The following CLDN18 variants were observed in gnomAD, a reference collection of about 807,000 sequenced individuals.
The protein encoded by CLDN18 is claudin 18, also known as claudin-18.
A neutral mutation model predicts 25.0 loss-of-function variants in CLDN18; 20 were observed. The ratio of observed to expected loss-of-function variants is 0.80; its 90% CI spans 0.56 to 1.16. The LOEUF (loss-of-function observed/expected upper bound fraction) is 1.16, where lower values mean the gene tolerates loss of function less well. Among genes scored for constraint, CLDN18 ranks in the 50% most tolerant of loss-of-function variants. CLDN18 has a pLI of 0.00. For missense variants in CLDN18, 297 were observed against 345.4 expected (o/e 0.86, Z 1.11); for synonymous variants, 125 against 135.6 (o/e 0.92, Z 0.54).
rs574608178 is a variant in CLDN18, at chr3:138,032,030, A to T, written c.*889A>T. The T allele has an allele frequency of 2.0e-5, 3 of 152,236 alleles. No homozygotes were observed. Among genetic ancestry groups the T allele is most frequent in the Non-Finnish European group, 4.4e-5 (3 of 68,046 alleles). The allele number at this position is 152,236 out of a possible 1,614,324, so 9.4% of individuals were successfully genotyped here. A position where few individuals can be genotyped will look rare whatever the true frequency, so the allele number is the denominator to read the frequency against. ...ATGGTACTTTGTAAAGTCATGCTTA[A>T]GTACAAATTCCATGAAAAGCTCACT... On this transcript the variant is annotated 3_prime_UTR_variant, in exon 5 of 5. Coordinates refer to ENST00000183605, the MANE Select transcript of CLDN18 (RefSeq NM_016369.4).
intron 1 of CLDN18, among the ~76,000 whole-genome samples, chr3:138,021,978 C>T (rs3773769): frequency 0.39 from 59,252 of 151,946 alleles, 12,435 homozygotes; most frequent in Middle Eastern, 0.59. Context: ...ATAATAATAA[C>T]AATGGTGCTG....
At chr3:138,030,847 G>A in intron 4 of CLDN18, 123 bp from the exon 5 acceptor site, 1 of 873,204 alleles carries the variant, frequency 1.1e-6, no homozygotes, top group East Asian at 2.4e-5. Flanking sequence ...GTTTGCCCCG[G>A]ACTGATGGGT....
At chr3:138,026,188 TC>T (rs1942325353) in intron 3 of CLDN18, among the ~76,000 whole-genome samples, 1 of 152,178 alleles carries the variant, frequency 6.6e-6, no homozygotes, top group Non-Finnish European at 1.5e-5. Flanking sequence ...CCCCTCCTTC[TC>T]CTGTTCCCCG....
intron 1 of CLDN18, among the ~76,000 whole-genome samples, chr3:137,999,251 G>A (rs954233755): frequency 8.5e-5 from 13 of 152,164 alleles, no homozygotes; most frequent in South Asian, 4.2e-4. Context: ...ATAGGAGGAC[G>A]GGAACCTTAG....
At chr3:138,026,397 C>T (rs2107888794) in intron 3 of CLDN18, among the ~76,000 whole-genome samples, 1 of 152,290 alleles carries the variant, frequency 6.6e-6, no homozygotes, top group South Asian at 2.1e-4. Flanking sequence ...CCTGTAATCC[C>T]AGCACTTTGG....
intron 1 of CLDN18, among the ~76,000 whole-genome samples, chr3:138,004,184 C>T (rs1015356696): frequency 6.6e-5 from 10 of 152,132 alleles, no homozygotes; most frequent in African/African-American, 2.4e-4. Flanking sequence ...AGATAAATTA[C>T]CTATACATAT....
chr3:138,005,232 G>T (rs1330237939), upstream of CLDN18: 3 of 151,872 alleles, frequency 2.0e-5, no homozygotes, highest in Non-Finnish European at 4.4e-5. Context: ...TTCTATTTTT[G>T]ATGATGAATA....
In CLDN18 at chr3:138,024,627, G is replaced by A. The variant is rs1349038259; in HGVS notation, c.406G>A (p.Val136Met). Residue 136 changes from valine to methionine, a missense_variant, in exon 3 of 5, where the codon GTG (valine) becomes ATG (methionine). By Grantham distance (21) the Val-to-Met change is conservative. Coordinates refer to ENST00000183605, the MANE Select transcript of CLDN18 (RefSeq NM_016369.4). ...IVSGLCAIAG[V>M]SVFANMLVTN... Reference sequence around the variant, plus strand: ...CACAGGTCTTTGTGCAATTGCTGGAGTGTCTGTGTTTGCCAACATGCTGGT... The same window carrying A: ...CACAGGTCTTTGTGCAATTGCTGGAATGTCTGTGTTTGCCAACATGCTGGT... 2 of 1,611,992 alleles carry A rather than the reference G, an allele frequency of 1.2e-6. No individual in the cohort carries two copies. Among genetic ancestry groups the A allele is most frequent in the Non-Finnish European group, 1.7e-6 (2 of 1,178,074 alleles).
At chr3:138,015,040 A>G (rs1160422728) in intron 1 of CLDN18, among the ~76,000 whole-genome samples, 1 of 152,204 alleles carries the variant, frequency 6.6e-6, no homozygotes, top group Non-Finnish European at 1.5e-5. Flanking sequence ...AGGCTGTGGC[A>G]GGAAAATCAC....
In CLDN18 at chr3:138,023,744, T is replaced by TG; in HGVS notation, c.308dup (p.Cys103TrpfsTer44). 1 of 1,614,124 alleles carries TG rather than the reference T, an allele frequency of 6.2e-7. No homozygotes were observed. Among genetic ancestry groups the TG allele is most frequent in the Non-Finnish European group, 8.5e-7 (1 of 1,180,030 alleles). ...CCTGGTATCCATCTTTGCCCTGAAA[T>TG]GCATCCGCATTGGCAGCATGGAGGA... On this transcript the variant is annotated frameshift_variant, in exon 2 of 5. Transcript: ENST00000183605. LOFTEE classifies it high-confidence loss of function.
At chr3:138,007,171 A>G (rs752890724), upstream of CLDN18, among the ~76,000 whole-genome samples, 20 of 152,220 alleles carry the variant, frequency 1.3e-4, no homozygotes, top group Admixed American at 7.9e-4. Context: ...AAAGGATACA[A>G]TTTGACCTAG....
upstream of CLDN18, among the ~76,000 whole-genome samples, chr3:138,008,254 G>T (rs1476913460): frequency 6.6e-6 from 1 of 151,368 alleles, no homozygotes; most frequent in Admixed American, 6.6e-5. Context: ...GGTGTGTGTG[G>T]GTGTGTGTGT....
chr3:138,014,106 G>A (rs1942172999), intron 1 of CLDN18, among the ~76,000 whole-genome samples: 1 of 151,986 alleles, frequency 6.6e-6, no homozygotes, highest in South Asian at 2.1e-4. Flanking sequence ...AAGAGAGGGA[G>A]GAAGAGAGGT....
chr3:138,025,890 A>T (rs986702788), intron 3 of CLDN18, among the ~76,000 whole-genome samples: 5 of 152,166 alleles, frequency 3.3e-5, no homozygotes, highest in African/African-American at 9.7e-5. Context: ...GCCATCTACC[A>T]GCCACTTTGC....
chr3:138,026,412 C>G (rs1052244082), intron 3 of CLDN18, among the ~76,000 whole-genome samples: 13 of 152,282 alleles, frequency 8.5e-5, no homozygotes, highest in African/African-American at 3.1e-4. Context: ...CTTTGGGAGG[C>G]CAAGGTGGGT....
In CLDN18 at chr3:138,004,164, A is replaced by C. The variant is rs540460140; in HGVS notation, c.220+5076A>C. Among the ~76,000 whole-genome samples the C allele has an allele frequency of 2.0e-5, 3 of 152,342 alleles. No individual in the cohort carries two copies. The South Asian group carries it at 6.2e-4, about 32-fold the overall frequency. On this transcript the variant is annotated intron_variant, in intron 1 of 4. Coordinates refer to the CLDN18 transcript ENST00000343735. ...AACACAGTGAGACTCCATCTCAAAA[A>C]AAAAATTTTAGATAAATTACCTATA... is the stretch of plus-strand genomic sequence containing the variant.
intron 1 of CLDN18, among the ~76,000 whole-genome samples, chr3:138,001,143 C>T (rs1559802298): frequency 6.6e-6 from 1 of 152,248 alleles, no homozygotes; most frequent in Admixed American, 6.5e-5. Flanking sequence ...CCCAAGGACA[C>T]TTGCAGATGT....
At chr3:138,000,773 T>G (rs149682612) in intron 1 of CLDN18, among the ~76,000 whole-genome samples, 13 of 152,178 alleles carry the variant, frequency 8.5e-5, no homozygotes, top group Non-Finnish European at 1.8e-4. Context: ...TCTTCCACGT[T>G]CCCATGTCCT....
intron 2 of CLDN18, 35 bp from the exon 3 acceptor site, chr3:138,024,572 A>G (rs773691708): frequency 6.8e-6 from 9 of 1,319,034 alleles, no homozygotes; most frequent in Non-Finnish European, 9.9e-6. Flanking sequence ...ATCCCTTGAA[A>G]CTAACTCTGG....
Sources: gnomAD v4.1 joint callset for allele counts (sites outside exome capture counted in the v4.1 genomes callset) on GRCh38, gnomAD v4.1.1 for gene constraint, MANE v1.5 for transcripts, NCBI Gene and HGNC (gene_info 2026-07-23, HGNC 2026-07-21) for gene names.